The following ARHGEF3 variants were observed in gnomAD, a reference collection of about 807,000 sequenced individuals.
ARHGEF3 encodes Rho guanine nucleotide exchange factor 3.
Under a neutral mutation model 63.2 loss-of-function variants are expected in ARHGEF3, and 28 were observed. The ratio of observed to expected loss-of-function variants is 0.44; its 90% CI spans 0.33 to 0.61. ARHGEF3 has a LOEUF of 0.61. Ranked by LOEUF, ARHGEF3 falls within the 20% of genes least tolerant of loss-of-function variation. The pLI is 0.03. For synonymous variants in ARHGEF3, 266 were observed against 254.2 expected (o/e 1.05, Z -0.44); for missense variants, 533 against 659.3 (o/e 0.81, Z 2.10).
At chr3:56,989,743 T>C (rs554138206) in intron 2 of ARHGEF3, among the ~76,000 whole-genome samples, 1 of 152,288 alleles carries the variant, frequency 6.6e-6, no homozygotes, top group African/African-American at 2.4e-5. Context: ...GGAACAACCC[T>C]GACTTCATCA....
Position 56,964,235 on chromosome 3 carries a change from C to G in ARHGEF3, c.63-5346G>C, listed in dbSNP as rs575919951. ...GTACATGGTGGTGCATGCCTGTAGT[C>G]CCAGCTACTTGGGAGGCTGAGGCAT... On this transcript the variant is annotated intron_variant, in intron 2 of 12. Coordinates refer to the ARHGEF3 transcript ENST00000338458. Among the ~76,000 whole-genome samples the G allele has an allele frequency of 3.3e-5, 5 of 152,012 alleles. No individual in the cohort carries two copies. In the South Asian group the frequency reaches 6.3e-4, roughly 19 times the overall value.
At chr3:56,918,913 T>C (rs1475508171) in intron 3 of ARHGEF3, among the ~76,000 whole-genome samples, 2 of 152,194 alleles carry the variant, frequency 1.3e-5, no homozygotes, top group Non-Finnish European at 2.9e-5. Context: ...CAAAGAAGTA[T>C]ATAAAGTAAA....
chr3:56,966,236 A>G (rs888299578), intron 2 of ARHGEF3, among the ~76,000 whole-genome samples: 3 of 152,188 alleles, frequency 2.0e-5, no homozygotes, highest in Admixed American at 2.0e-4. Flanking sequence ...TGAAGCAAAT[A>G]TGACTAAATG....
At chr3:56,935,779 G>A (rs1285962748) in intron 3 of ARHGEF3, among the ~76,000 whole-genome samples, 2 of 152,296 alleles carry the variant, frequency 1.3e-5, no homozygotes, top group South Asian at 2.1e-4. Context: ...ACGAGGGTCC[G>A]TGGCTTCATT....
intron 2 of ARHGEF3, among the ~76,000 whole-genome samples, chr3:56,973,629 G>A (rs1337485480): frequency 2.0e-5 from 3 of 152,108 alleles, no homozygotes; most frequent in African/African-American, 2.4e-5. Context: ...GAGGGACAAC[G>A]CGGAGGCCAA....
chr3:56,893,069 G>A (rs2041178094), intron 3 of ARHGEF3, among the ~76,000 whole-genome samples: 1 of 152,166 alleles, frequency 6.6e-6, no homozygotes, highest in Admixed American at 6.5e-5. Context: ...ACAACCATTT[G>A]GTGTTGTCTA....
chr3:56,784,119 C>T (rs774396611), intron 1 of ARHGEF3, among the ~76,000 whole-genome samples: 2 of 152,194 alleles, frequency 1.3e-5, no homozygotes, highest in Non-Finnish European at 2.9e-5. Context: ...GCTCTCTCTG[C>T]GGTCCCTGGC....
At chr3:57,062,198 T>G (rs1705258401) in intron 1 of ARHGEF3, among the ~76,000 whole-genome samples, 1 of 152,082 alleles carries the variant, frequency 6.6e-6, no homozygotes, top group African/African-American at 2.4e-5. Context: ...CCAAAGGCAA[T>G]GTGCCCAACC....
chr3:56,841,504 G>A (rs1274250430), intron 4 of ARHGEF3, among the ~76,000 whole-genome samples: 1 of 152,156 alleles, frequency 6.6e-6, no homozygotes, highest in Non-Finnish European at 1.5e-5. Context: ...AAGCTGAGTA[G>A]CTGAATAAAC....
chr3:57,018,713 C>T (rs1247171025), intron 2 of ARHGEF3, among the ~76,000 whole-genome samples: 2 of 152,222 alleles, frequency 1.3e-5, no homozygotes, highest in African/African-American at 4.8e-5. Flanking sequence ...AAAAAAGTCA[C>T]AACCTGGCTT....
chr3:56,884,172 G>A (rs1422738090), intron 3 of ARHGEF3, among the ~76,000 whole-genome samples: 1 of 152,166 alleles, frequency 6.6e-6, no homozygotes, highest in African/African-American at 2.4e-5. Flanking sequence ...TGTGAGCAGA[G>A]GTGGTGATGA....
rs748894038 is a variant in ARHGEF3, at chr3:56,732,442, A to C, written c.1042-18T>G. On this transcript the variant is annotated intron_variant, in intron 8 of 9. Coordinates refer to ENST00000296315, the MANE Select transcript of ARHGEF3 (RefSeq NM_019555.3). ...TGCAGTTTCTAGAAGAAAAAAATCC[A>C]CAAGCTTTCATTAAGCAATAATGTA... 4 of 1,613,638 alleles carry C rather than the reference A, an allele frequency of 2.5e-6. No homozygotes were observed. The African/African-American group carries it at 5.3e-5, about 22-fold the overall frequency.
At chr3:56,930,340 C>G (rs2042378130) in intron 3 of ARHGEF3, among the ~76,000 whole-genome samples, 1 of 152,134 alleles carries the variant, frequency 6.6e-6, no homozygotes, top group South Asian at 2.1e-4. Flanking sequence ...CAACTAACAA[C>G]AGGTGAAAAT....
chr3:56,987,958 G>A (rs1311109172), intron 2 of ARHGEF3, among the ~76,000 whole-genome samples: 2 of 152,162 alleles, frequency 1.3e-5, no homozygotes, highest in African/African-American at 4.8e-5. Context: ...GAGCATAAAT[G>A]GGACTCCACA....
At chr3:56,864,220 C>CA (rs2040169824) in intron 4 of ARHGEF3, among the ~76,000 whole-genome samples, 1 of 152,218 alleles carries the variant, frequency 6.6e-6, no homozygotes, top group Non-Finnish European at 1.5e-5. Flanking sequence ...AAATCTTGGG[C>CA]ATAGCCTTTG....
chr3:56,759,830 G>A (rs1050506646), intron 2 of ARHGEF3, among the ~76,000 whole-genome samples: 1 of 152,226 alleles, frequency 6.6e-6, no homozygotes, highest in Admixed American at 6.5e-5. Context: ...ACAGGCATGA[G>A]CCACTGTGCC....
At chr3:57,048,983 T>C (rs1212030277) in intron 1 of ARHGEF3, among the ~76,000 whole-genome samples, 2 of 151,996 alleles carry the variant, frequency 1.3e-5, no homozygotes, top group Admixed American at 6.6e-5. Flanking sequence ...CATGGCTGGG[T>C]AGAATCATCC....
intron 1 of ARHGEF3, among the ~76,000 whole-genome samples, chr3:56,779,252 T>TAA (rs1474392457): frequency 7.0e-6 from 1 of 143,046 alleles, no homozygotes; most frequent in Non-Finnish European, 1.5e-5. Flanking sequence ...TTGACCATTT[T>TAA]AATATATATA....
chr3:57,013,002 C>G (rs1040230997), intron 2 of ARHGEF3, among the ~76,000 whole-genome samples: 1 of 152,214 alleles, frequency 6.6e-6, no homozygotes, highest in African/African-American at 2.4e-5. Context: ...AGGGGCTTAG[C>G]ACCCGGGCCA....
Sources: allele counts gnomAD v4.1 joint callset (sites outside exome capture counted in the v4.1 genomes callset), GRCh38; gene constraint gnomAD v4.1.1; transcripts MANE v1.5; gene names NCBI Gene and HGNC (gene_info 2026-07-23, HGNC 2026-07-21).